The following GAS2 variants were observed in gnomAD, a reference collection of about 807,000 sequenced individuals.
GAS2 encodes growth arrest-specific protein 2.
GAS2 carries 20 observed loss-of-function variants against 37.5 expected under a neutral mutation model. That is an observed-to-expected ratio of 0.53 (90% CI 0.37 to 0.77). GAS2 has a LOEUF of 0.77. Among genes scored for constraint, GAS2 ranks in the 30% least tolerant of loss-of-function variants. The probability of loss-of-function intolerance (pLI) is 0.00; values close to 1 mark genes in which losing one functional copy is unlikely to be tolerated. For missense variants in GAS2, 336 were observed against 373.4 expected, an observed-to-expected ratio of 0.90 and a Z score of 0.82; for synonymous variants, 144 against 132.2, an observed-to-expected ratio of 1.09 and a Z score of -0.61.
intron 1 of GAS2, among the ~76,000 whole-genome samples, chr11:22,642,721 G>A (rs1022523078): frequency 6.6e-6 from 1 of 151,920 alleles, no homozygotes; most frequent in Non-Finnish European, 1.5e-5. Flanking sequence ...GAATTTACAC[G>A]GAATGTAAAG....
At chr11:22,805,701 T>A (rs893175811) in intron 7 of GAS2, among the ~76,000 whole-genome samples, 2 of 152,132 alleles carry the variant, frequency 1.3e-5, no homozygotes, top group East Asian at 3.9e-4. Context: ...AAAGCAAGTA[T>A]GTTAAGAAAG....
intron 3 of GAS2, among the ~76,000 whole-genome samples, chr11:22,713,725 A>G (rs1475720370): frequency 2.6e-5 from 4 of 152,298 alleles, no homozygotes; most frequent in Non-Finnish European, 5.9e-5. Flanking sequence ...TAAAATAATT[A>G]TCAGCAAAGA....
At chr11:22,731,181 T>A in intron 4 of GAS2, 1 of 219,916 alleles carries the variant, frequency 4.5e-6, no homozygotes, top group Non-Finnish European at 9.2e-6. Context: ...TAACTTTTTT[T>A]CCTAGAAATT....
At chr11:22,687,630 G>A (rs1429839337) in intron 3 of GAS2, among the ~76,000 whole-genome samples, 5 of 152,192 alleles carry the variant, frequency 3.3e-5, no homozygotes, top group African/African-American at 1.2e-4. Flanking sequence ...GTGTAGCCCA[G>A]GTGTGAGGAG....
At chr11:22,626,726 GACACAGCCAAA>G (rs1308845465) in intron 1 of GAS2, 3 of 152,114 alleles carry the variant, frequency 2.0e-5, no homozygotes, top group Admixed American at 6.5e-5. Flanking sequence ...CAGTCCTAAA[GACACAGCCAAA>G]ACTATTCGAA....
chr11:22,764,512 A>G (rs1022079588), intron 7 of GAS2, among the ~76,000 whole-genome samples: 2 of 147,186 alleles, frequency 1.4e-5, no homozygotes, highest in African/African-American at 5.0e-5. Flanking sequence ...GTGAGTGGGG[A>G]GATCTCGCCG....
At chr11:22,737,617 C>G in intron 4 of GAS2, 88 bp from the exon 5 acceptor site, 1 of 1,210,290 alleles carries the variant, frequency 8.3e-7, no homozygotes, top group Non-Finnish European at 1.2e-6. Context: ...CCTGGGAGCA[C>G]GAGGAATGAG....
At chr11:22,732,912 T>C (rs1459857291) in intron 4 of GAS2, among the ~76,000 whole-genome samples, 1 of 151,728 alleles carries the variant, frequency 6.6e-6, no homozygotes, top group East Asian at 1.9e-4. Flanking sequence ...TTATAACTAC[T>C]ATTTATTATT....
At chr11:22,716,090 C>T (rs2134110304) in intron 3 of GAS2, among the ~76,000 whole-genome samples, 1 of 152,088 alleles carries the variant, frequency 6.6e-6, no homozygotes, top group Non-Finnish European at 1.5e-5. Context: ...AAACAAAAAA[C>T]ATACGATCAT....
intron 3 of GAS2, among the ~76,000 whole-genome samples, chr11:22,707,239 G>A (rs1474992209): frequency 6.6e-6 from 1 of 151,678 alleles, no homozygotes; most frequent in Non-Finnish European, 1.5e-5. Flanking sequence ...AGTAGGATTG[G>A]GGAAACATCA....
chr11:22,658,632 C>A (rs1848882425), intron 1 of GAS2, among the ~76,000 whole-genome samples: 1 of 152,162 alleles, frequency 6.6e-6, no homozygotes, highest in African/African-American at 2.4e-5. Flanking sequence ...ATAATAAAAT[C>A]TAAATCATAA....
rs181707877 is a variant in GAS2 at position 22,642,487 on chromosome 11, C to T, written c.-21+16674C>T. On this transcript the variant is annotated intron_variant, in intron 1 of 5. Coordinates refer to the GAS2 transcript ENST00000528582. ...GCAGAACATTGACTCAGTAGAAATTCTTATAAACTTGTTTTTTCATCACAG... is the reference window on the plus strand; with the variant it reads ...GCAGAACATTGACTCAGTAGAAATTTTTATAAACTTGTTTTTTCATCACAG... 4.1e-3 allele frequency among the ~76,000 whole-genome samples: 620 copies of T among 152,136 alleles called. 2 individuals carry two copies. The highest frequency in any genetic ancestry group is 6.6e-3 in the Non-Finnish European group (449 of 67,964).
chr11:22,712,316 C>T (rs377134714), intron 3 of GAS2, among the ~76,000 whole-genome samples: 39 of 152,160 alleles, frequency 2.6e-4, no homozygotes, highest in Non-Finnish European at 4.1e-4. Flanking sequence ...CTGCCATCTC[C>T]GCCAGAGCAG....
At chr11:22,806,854 T>A (rs754311212) in intron 7 of GAS2, among the ~76,000 whole-genome samples, 4 of 152,154 alleles carry the variant, frequency 2.6e-5, no homozygotes, top group Non-Finnish European at 5.9e-5. Context: ...CCTAAAACCC[T>A]TCCATCTCCC....
intron 3 of GAS2, among the ~76,000 whole-genome samples, chr11:22,698,798 T>C (rs1401911144): frequency 6.6e-6 from 1 of 152,130 alleles, no homozygotes; most frequent in East Asian, 1.9e-4. Flanking sequence ...CCAAACAGTA[T>C]AAAACAAGAA....
intron 1 of GAS2, among the ~76,000 whole-genome samples, chr11:22,648,953 G>A (rs1848738078): frequency 1.3e-5 from 2 of 151,972 alleles, no homozygotes; most frequent in Admixed American, 1.3e-4. Context: ...CCAACACTAT[G>A]TTGAATAGGA....
At chr11:22,775,110 G>A (rs1855189715) in intron 7 of GAS2, among the ~76,000 whole-genome samples, 1 of 152,206 alleles carries the variant, frequency 6.6e-6, no homozygotes. Flanking sequence ...AGCTCATGGA[G>A]AGCTACCTGT....
At chr11:22,629,831 A>G (rs1004245838) in intron 1 of GAS2, among the ~76,000 whole-genome samples, 34 of 151,972 alleles carry the variant, frequency 2.2e-4, no homozygotes, top group African/African-American at 8.2e-4. Context: ...TCACTTATTT[A>G]TTTTTGTTTT....
intron 1 of GAS2, among the ~76,000 whole-genome samples, chr11:22,645,512 T>C (rs1406259139): frequency 6.6e-6 from 1 of 151,166 alleles, no homozygotes; most frequent in East Asian, 2.1e-4. Flanking sequence ...TAAAAATATA[T>C]ATATATATAC....
Sources: gnomAD v4.1 joint callset for allele counts (sites outside exome capture counted in the v4.1 genomes callset) on GRCh38, gnomAD v4.1.1 for gene constraint, MANE v1.5 for transcripts, NCBI Gene and HGNC (gene_info 2026-07-23, HGNC 2026-07-21) for gene names.